Variants in MSH3 observed in about 807,000 individuals in gnomAD.
The protein encoded by MSH3 is mutS homolog 3.
In MSH3, 106 loss-of-function variants were observed where a neutral mutation model predicts 123.3. The observed-to-expected ratio is 0.86, with a 90% CI of 0.73 to 1.01. The LOEUF (loss-of-function observed/expected upper bound fraction) is 1.01, where lower values mean the gene tolerates loss of function less well. Ranked by LOEUF, MSH3 falls within the 50% of genes least tolerant of loss-of-function variation. The pLI, the probability that MSH3 is intolerant of heterozygous loss-of-function variation, is 0.00. For synonymous variants in MSH3, 515 were observed against 481.4 expected (o/e 1.07, Z -0.91); for missense variants, 1,459 against 1,347.6 (o/e 1.08, Z -1.29).
chr5:80,793,764 AT>A (rs1200878207), intron 19 of MSH3, among the ~76,000 whole-genome samples: 1 of 152,186 alleles, frequency 6.6e-6, no homozygotes, highest in East Asian at 1.9e-4. Flanking sequence ...AGAAATTTGC[AT>A]TTTTACCCCT....
At chr5:80,677,313 A>G (rs1452047879) in intron 7 of MSH3, among the ~76,000 whole-genome samples, 3 of 152,128 alleles carry the variant, frequency 2.0e-5, no homozygotes, top group South Asian at 2.1e-4. Context: ...GCAGTTTTAT[A>G]CACACTGATT....
chr5:80,816,615 G>T (rs1386951368), intron 20 of MSH3, among the ~76,000 whole-genome samples: 2 of 152,194 alleles, frequency 1.3e-5, no homozygotes, highest in Non-Finnish European at 2.9e-5. Flanking sequence ...AAACCAAGTA[G>T]ATCAGAGGAA....
intron 23 of MSH3, 103 bp downstream of exon 23, chr5:80,873,390 G>A: frequency 8.7e-7 from 1 of 1,149,474 alleles, no homozygotes; most frequent in Non-Finnish European, 1.3e-6. Flanking sequence ...CTACTTTTAA[G>A]CACCTCTTCA....
intron 18 of MSH3, among the ~76,000 whole-genome samples, chr5:80,791,984 C>A (rs1472746972): frequency 6.6e-6 from 1 of 151,964 alleles, no homozygotes. Context: ...TAAAGAACAT[C>A]AAGGTCAAAA....
At chr5:80,808,883 A>ATATATAT (rs1561485254) in intron 19 of MSH3, among the ~76,000 whole-genome samples, 1 of 130,696 alleles carries the variant, frequency 7.7e-6, no homozygotes, top group East Asian at 2.4e-4. Context: ...ATATATATAT[A>ATATATAT]CACAATCTAA....
chr5:80,813,800 G>T, intron 20 of MSH3, 59 bp downstream of exon 20: 3 of 1,572,576 alleles, frequency 1.9e-6, no homozygotes, highest in Non-Finnish European at 2.6e-6. Context: ...CCACATTATC[G>T]CATGAATTTT....
At chr5:80,823,058 C>T (rs964347708) in intron 20 of MSH3, among the ~76,000 whole-genome samples, 2 of 152,100 alleles carry the variant, frequency 1.3e-5, no homozygotes, top group Admixed American at 6.5e-5. Context: ...TGGAAAGATA[C>T]GCTTGTTACA....
At chr5:80,821,199 T>C (rs1232571902) in intron 20 of MSH3, among the ~76,000 whole-genome samples, 1 of 152,234 alleles carries the variant, frequency 6.6e-6, no homozygotes, top group Non-Finnish European at 1.5e-5. Context: ...CTGTTCACGG[T>C]AAACTCCTAA....
intron 20 of MSH3, among the ~76,000 whole-genome samples, chr5:80,841,618 G>C (rs1450085277): frequency 1.3e-5 from 2 of 152,256 alleles, no homozygotes; most frequent in Admixed American, 6.5e-5. Flanking sequence ...GAGATGGTAT[G>C]TCATTGTGGT....
chr5:80,869,107 C>G (rs760532081), intron 22 of MSH3, among the ~76,000 whole-genome samples: 4 of 152,176 alleles, frequency 2.6e-5, no homozygotes, highest in African/African-American at 4.8e-5. Flanking sequence ...CTATTCCAAT[C>G]TGTATGATCT....
chr5:80,696,365 C>A (rs1021903274), intron 8 of MSH3, among the ~76,000 whole-genome samples: 1 of 152,190 alleles, frequency 6.6e-6, no homozygotes, highest in Non-Finnish European at 1.5e-5. Context: ...CCTTTGCTAG[C>A]ATGGGTGGGA....
intron 20 of MSH3, among the ~76,000 whole-genome samples, chr5:80,848,206 G>A (rs1745759322): frequency 6.6e-6 from 1 of 152,202 alleles, no homozygotes; most frequent in Admixed American, 6.5e-5. Flanking sequence ...CTGCAGCCTG[G>A]GCGACAGAGT....
At position 80,744,496 on chromosome 5, in the gene MSH3, T is replaced by C; in HGVS notation, c.1654-10T>C. 6.3e-7 allele frequency: 1 copy of C among 1,597,214 alleles called. No individual in the cohort carries two copies. Among genetic ancestry groups the C allele is most frequent in the Non-Finnish European group, 8.6e-7 (1 of 1,165,566 alleles). On this transcript the variant is annotated splice_polypyrimidine_tract_variant and intron_variant, in intron 11 of 23. Transcript: ENST00000265081. ...CTAGTTAATAAAACTTGTTTTCTGG[T>C]CTTTCTTAGACTGATATGAAAACCA...
chr5:80,665,878 TCATGCTC>T (rs1463606080), intron 3 of MSH3, among the ~76,000 whole-genome samples: 3 of 152,214 alleles, frequency 2.0e-5, no homozygotes, highest in African/African-American at 7.2e-5. Flanking sequence ...GGAATTTAAC[TCATGCTC>T]CATCATTGAA....
At chr5:80,712,191 T>G (rs1229096848) in intron 8 of MSH3, among the ~76,000 whole-genome samples, 1 of 152,126 alleles carries the variant, frequency 6.6e-6, no homozygotes, top group Non-Finnish European at 1.5e-5. Context: ...AGGGTTCTAG[T>G]CCAGGGAAGA....
chr5:80,832,613 C>G (rs1346793266), intron 20 of MSH3, among the ~76,000 whole-genome samples: 1 of 147,990 alleles, frequency 6.8e-6, no homozygotes, highest in Non-Finnish European at 1.5e-5. Context: ...AGTAAGACTC[C>G]ATTAAAAAAA....
intron 8 of MSH3, among the ~76,000 whole-genome samples, chr5:80,691,012 A>G (rs571761114): frequency 2.0e-5 from 3 of 152,022 alleles, no homozygotes; most frequent in Admixed American, 6.5e-5. Context: ...AATTTAATAT[A>G]TTAATATGAT....
intron 20 of MSH3, among the ~76,000 whole-genome samples, chr5:80,815,470 G>C (rs769575735): frequency 6.6e-6 from 1 of 152,156 alleles, no homozygotes; most frequent in East Asian, 1.9e-4. Context: ...AAGAATGTTT[G>C]TAGATACAAG....
chr5:80,804,866 C>T (rs1744860762), intron 19 of MSH3, among the ~76,000 whole-genome samples: 1 of 152,190 alleles, frequency 6.6e-6, no homozygotes, highest in African/African-American at 2.4e-5. Flanking sequence ...TTTATACCAC[C>T]ATGCCTGGCA....
Sources: allele counts gnomAD v4.1 joint callset (sites outside exome capture counted in the v4.1 genomes callset), GRCh38; gene constraint gnomAD v4.1.1; transcripts MANE v1.5; gene names NCBI Gene and HGNC (gene_info 2026-07-23, HGNC 2026-07-21).